Variants in ATL1 observed in about 807,000 individuals in gnomAD.
ATL1 encodes atlastin GTPase 1.
Under a neutral mutation model 75.5 loss-of-function variants are expected in ATL1, and 31 were observed. The ratio of observed to expected loss-of-function variants is 0.41; its 90% CI spans 0.31 to 0.55. The LOEUF (loss-of-function observed/expected upper bound fraction) is 0.55. Among genes scored for constraint, ATL1 ranks in the 20% least tolerant of loss-of-function variants. ATL1 has a pLI of 0.27. For missense variants in ATL1, 405 were observed against 662.6 expected (o/e 0.61, Z 4.27); for synonymous variants, 226 against 233.3 (o/e 0.97, Z 0.28).
chr14:50,609,477 T>C (rs2039344242), intron 6 of ATL1, among the ~76,000 whole-genome samples: 1 of 151,904 alleles, frequency 6.6e-6, no homozygotes, highest in African/African-American at 2.4e-5. Context: ...TATTAGAGCA[T>C]TGAAAAAATG....
intron 8 of ATL1, among the ~76,000 whole-genome samples, chr14:50,615,547 A>G (rs2039406725): frequency 6.6e-6 from 1 of 152,158 alleles, no homozygotes; most frequent in Non-Finnish European, 1.5e-5. Context: ...AAATTTCTCA[A>G]TCATTAATCA....
chr14:50,586,719 T>TA, intron 1 of ATL1, among the ~76,000 whole-genome samples: 1 of 152,110 alleles, frequency 6.6e-6, no homozygotes, highest in Middle Eastern at 3.4e-3. Flanking sequence ...TTTTTTTTTT[T>TA]ATTGTAGTAG....
rs1378463000 is a variant in ATL1 at position 50,553,520 on chromosome 14, A to G, written c.-139-6607A>G. The stretch of plus-strand genomic sequence containing the variant: ...TGCTGGTGGGAATGTAAACTAGTAC[A>G]ACCACTACGGAAAACAGTATGGATA... On this transcript the variant is annotated intron_variant, in intron 1 of 13. Transcript: ENST00000441560. 2.2e-4 allele frequency among the ~76,000 whole-genome samples: 34 copies of G among 152,164 alleles called. 1 individual carries two copies. The highest frequency in any genetic ancestry group is 2.2e-3 in the Admixed American group (34 of 15,286).
intron 1 of ATL1, among the ~76,000 whole-genome samples, chr14:50,540,622 C>G (rs2038549066): frequency 6.6e-6 from 1 of 152,074 alleles, no homozygotes; most frequent in Admixed American, 6.6e-5. Flanking sequence ...TCTGCAGTCT[C>G]AAAATACCGC....
intron 6 of ATL1, among the ~76,000 whole-genome samples, chr14:50,610,244 A>C (rs896471316): frequency 1.3e-5 from 2 of 152,128 alleles, no homozygotes; most frequent in African/African-American, 4.8e-5. Flanking sequence ...CATTCCAGTC[A>C]ATATGAGAAA....
intron 13 of ATL1, 128 bp from the exon 14 acceptor site, chr14:50,632,101 T>C (rs1368820164): frequency 6.8e-6 from 4 of 588,842 alleles, no homozygotes; most frequent in African/African-American, 5.7e-5. Flanking sequence ...TAATAATTTA[T>C]ATATCGATTA....
chr14:50,573,405 T>C (rs1400009344), intron 1 of ATL1, among the ~76,000 whole-genome samples: 1 of 152,230 alleles, frequency 6.6e-6, no homozygotes, highest in African/African-American at 2.4e-5. Context: ...ACTTGAAATG[T>C]GGCTAGTGAG....
At chr14:50,573,208 A>G (rs2038970407) in intron 1 of ATL1, among the ~76,000 whole-genome samples, 1 of 151,906 alleles carries the variant, frequency 6.6e-6, no homozygotes, top group Admixed American at 6.6e-5. Context: ...TGTCCATAAT[A>G]TTTTTTTTAC....
At chr14:50,567,809 A>G (rs1429485180) in intron 1 of ATL1, among the ~76,000 whole-genome samples, 4 of 152,180 alleles carry the variant, frequency 2.6e-5, no homozygotes, top group African/African-American at 9.7e-5. Context: ...TCATTCTGTT[A>G]CTGATTTCCA....
chr14:50,574,219 A>G (rs1196595278), intron 1 of ATL1, among the ~76,000 whole-genome samples: 2 of 152,200 alleles, frequency 1.3e-5, no homozygotes, highest in Non-Finnish European at 2.9e-5. Context: ...AAATTGGTGT[A>G]GTTCTGTGCC....
intron 1 of ATL1, among the ~76,000 whole-genome samples, chr14:50,568,739 T>C (rs2038927453): frequency 6.6e-6 from 1 of 152,220 alleles, no homozygotes; most frequent in Admixed American, 6.5e-5. Flanking sequence ...TATAGCTTTT[T>C]TGTCTCTCAT....
chr14:50,591,868 T>G, intron 4 of ATL1: 1 of 476,392 alleles, frequency 2.1e-6, no homozygotes, highest in Non-Finnish European at 3.8e-6. Flanking sequence ...TTAGAAAAGG[T>G]CATATTATCT....
chr14:50,544,696 G>A (rs930430404), intron 1 of ATL1, among the ~76,000 whole-genome samples: 4 of 152,048 alleles, frequency 2.6e-5, no homozygotes, highest in Admixed American at 1.3e-4. Context: ...AGCTTTGGGA[G>A]GCTGAGGTGG....
chr14:50,578,918 C>T (rs1222318090), intron 1 of ATL1, among the ~76,000 whole-genome samples: 1 of 152,216 alleles, frequency 6.6e-6, no homozygotes, highest in African/African-American at 2.4e-5. Flanking sequence ...TAATTCCCAC[C>T]TGTAGTATCT....
intron 1 of ATL1, among the ~76,000 whole-genome samples, chr14:50,568,834 G>A (rs1480791348): frequency 6.6e-6 from 1 of 151,298 alleles, no homozygotes; most frequent in African/African-American, 2.4e-5. Flanking sequence ...ATTTCCCTTT[G>A]TGCACATTTT....
At position 50,614,546 on chromosome 14, in the gene ATL1, T is replaced by A. The variant is rs752012902; in HGVS notation, c.862+35T>A. ...TTTTAATGAATATGTTTGCATCACT[T>A]AGTCTGATTATAAAAATGTCATTTT... On this transcript the variant is annotated intron_variant, in intron 8 of 13. Transcript: ENST00000358385. 5 of 1,605,716 alleles carry A rather than the reference T, an allele frequency of 3.1e-6. No individual in the cohort carries two copies. The South Asian group carries it at 3.3e-5, about 11-fold the overall frequency.
Position 50,593,947 on chromosome 14 carries a change from T to C in ATL1, c.573+51T>C, listed in dbSNP as rs775097211. On this transcript the variant is annotated intron_variant, in intron 5 of 13. Coordinates refer to ENST00000358385, the MANE Select transcript of ATL1 (RefSeq NM_015915.5). ...TGTATCTGGTAGTCTTTGAAACATG[T>C]ATAGCAGAACTTTGGGGAATGATTT... The C allele has an allele frequency of 1.1e-5, 14 of 1,311,920 alleles. No individual in the cohort carries two copies. In the East Asian group the frequency reaches 3.2e-4, roughly 30 times the overall value. 81.3% of individuals were successfully genotyped at this position (1,311,920 alleles called of 1,614,324 possible).
intron 1 of ATL1, among the ~76,000 whole-genome samples, chr14:50,548,874 T>C (rs978613520): frequency 1.2e-4 from 18 of 152,016 alleles, no homozygotes; most frequent in African/African-American, 3.9e-4. Context: ...CTATTAGCCA[T>C]GTATAGGGCA....
intron 8 of ATL1, among the ~76,000 whole-genome samples, chr14:50,617,011 G>T (rs186671534): frequency 6.6e-6 from 1 of 152,100 alleles, no homozygotes; most frequent in Non-Finnish European, 1.5e-5. Context: ...AAAAGTCTCC[G>T]AATAAACAAT....
Sources: allele counts gnomAD v4.1 joint callset (sites outside exome capture counted in the v4.1 genomes callset), GRCh38; gene constraint gnomAD v4.1.1; transcripts MANE v1.5; gene names NCBI Gene and HGNC (gene_info 2026-07-23, HGNC 2026-07-21).